The following ARHGAP10 variants were observed in gnomAD, a reference collection of about 807,000 sequenced individuals.
ARHGAP10 encodes the protein Rho GTPase activating protein 10.
In ARHGAP10, 87 loss-of-function variants were observed where a neutral mutation model predicts 108.6. That is an observed-to-expected ratio of 0.80 (90% CI 0.67 to 0.96). The LOEUF (loss-of-function observed/expected upper bound fraction) is 0.96, where lower values mean the gene tolerates loss of function less well. ARHGAP10 is among the 40% of genes least tolerant of loss of function. The probability of loss-of-function intolerance (pLI) is 0.00; values close to 1 mark genes in which losing one functional copy is unlikely to be tolerated. For missense variants in ARHGAP10, 939 were observed against 954.5 expected (o/e 0.98, Z 0.21); for synonymous variants, 347 against 341.1 (o/e 1.02, Z -0.19).
intron 1 of ARHGAP10, among the ~76,000 whole-genome samples, chr4:147,744,953 G>A (rs78299570): frequency 2.4e-4 from 37 of 152,224 alleles, no homozygotes; most frequent in African/African-American, 8.9e-4. Flanking sequence ...GGCAGGGAGA[G>A]GGTCAGGGCA....
At chr4:147,915,953 A>T (rs11930900) in intron 13 of ARHGAP10, among the ~76,000 whole-genome samples, 17,109 of 152,006 alleles carry the variant, frequency 0.11, 2,295 homozygotes, top group African/African-American at 0.31. Context: ...AAATTTTTTT[A>T]AAAAAATTAG....
intron 1 of ARHGAP10, among the ~76,000 whole-genome samples, chr4:147,779,391 G>A (rs1030386358): frequency 1.3e-5 from 2 of 152,150 alleles, no homozygotes; most frequent in African/African-American, 2.4e-5. Context: ...TTTAGGCAGT[G>A]GGAAGCCATT....
chr4:147,768,741 CTTT>C (rs34388709), intron 1 of ARHGAP10, among the ~76,000 whole-genome samples: 11 of 126,476 alleles, frequency 8.7e-5, no homozygotes, highest in Non-Finnish European at 1.1e-4. Context: ...ATTTTCTTGT[CTTT>C]TTTTTTTTTT....
chr4:147,911,994 CGTGTGTGTGTGTGTGTGTGTGT>C (rs36217593), intron 12 of ARHGAP10, among the ~76,000 whole-genome samples: 11 of 135,456 alleles, frequency 8.1e-5, no homozygotes, highest in Non-Finnish European at 1.5e-4. Context: ...AGAACATTCA[CGTGTGTGTGTGTGTGTGTGTGT>C]GTGTGTGTGT....
In ARHGAP10 at chr4:147,966,897, C is replaced by T; in HGVS notation, c.1716+58C>T. 4.5e-6 allele frequency: 6 copies of T among 1,340,558 alleles called. No individual in the cohort carries two copies. In the Admixed American group the frequency reaches 1.2e-4, roughly 27 times the overall value. 83.0% of individuals were successfully genotyped at this position (1,340,558 alleles called of 1,614,324 possible). The stretch of plus-strand genomic sequence containing the variant: ...TTTCGGCTTGTCGCCATGTACTACA[C>T]AACGATCCTCTTAGATTTCCCTTTT... On this transcript the variant is annotated intron_variant, in intron 18 of 22. Coordinates refer to ENST00000336498, the MANE Select transcript of ARHGAP10 (RefSeq NM_024605.4).
chr4:147,848,690 A>G (rs1359601874), intron 4 of ARHGAP10, among the ~76,000 whole-genome samples: 1 of 152,224 alleles, frequency 6.6e-6, no homozygotes, highest in African/African-American at 2.4e-5. Context: ...TGACGGTTAT[A>G]TTATGGAAAT....
At chr4:147,757,167 A>G (rs553071391) in intron 1 of ARHGAP10, among the ~76,000 whole-genome samples, 43 of 151,102 alleles carry the variant, frequency 2.8e-4, no homozygotes, top group African/African-American at 9.7e-4. Flanking sequence ...CTGAAAGTTA[A>G]TGGGAACACA....
chr4:147,766,106 C>A (rs926343460), intron 1 of ARHGAP10, among the ~76,000 whole-genome samples: 2 of 151,804 alleles, frequency 1.3e-5, no homozygotes, highest in Non-Finnish European at 2.9e-5. Context: ...CATGGTGAAA[C>A]CCTGTCTTTA....
chr4:148,070,166 A>G (rs1730102473), intron 22 of ARHGAP10, among the ~76,000 whole-genome samples: 1 of 152,172 alleles, frequency 6.6e-6, no homozygotes, highest in South Asian at 2.1e-4. Flanking sequence ...TCTCTCCTAT[A>G]TATACACGTA....
At chr4:148,046,082 A>T (rs1005842145) in intron 19 of ARHGAP10, among the ~76,000 whole-genome samples, 4 of 152,250 alleles carry the variant, frequency 2.6e-5, no homozygotes, top group African/African-American at 9.6e-5. Flanking sequence ...GGTGCAGATC[A>T]GGTGCATTTT....
chr4:147,959,878 T>C (rs377707350), intron 16 of ARHGAP10, among the ~76,000 whole-genome samples: 2 of 152,226 alleles, frequency 1.3e-5, no homozygotes, highest in African/African-American at 4.8e-5. Flanking sequence ...CCTAAAGTAT[T>C]TAAACTAGGT....
chr4:147,941,831 A>G (rs1198329249), intron 14 of ARHGAP10, among the ~76,000 whole-genome samples: 1 of 152,108 alleles, frequency 6.6e-6, no homozygotes, highest in African/African-American at 2.4e-5. Flanking sequence ...AAATATATTT[A>G]TTTGCTATTT....
intron 1 of ARHGAP10, among the ~76,000 whole-genome samples, chr4:147,733,473 G>T (rs1372693733): frequency 6.6e-6 from 1 of 152,126 alleles, no homozygotes; most frequent in Non-Finnish European, 1.5e-5. Flanking sequence ...GCAGTATCCA[G>T]CCTTGAGGGG....
chr4:147,746,316 A>G (rs1336434618), intron 1 of ARHGAP10, among the ~76,000 whole-genome samples: 2 of 143,738 alleles, frequency 1.4e-5, no homozygotes, highest in African/African-American at 5.2e-5. Flanking sequence ...GTTGGCCAGG[A>G]TGGTCTTGAT....
intron 16 of ARHGAP10, among the ~76,000 whole-genome samples, chr4:147,962,465 G>A (rs1578736695): frequency 6.6e-6 from 1 of 152,150 alleles, no homozygotes; most frequent in Admixed American, 6.5e-5. Context: ...AGATGAGGGA[G>A]CTGAGGCACA....
chr4:147,886,287 A>T (rs1735555397), intron 10 of ARHGAP10, among the ~76,000 whole-genome samples: 1 of 152,180 alleles, frequency 6.6e-6, no homozygotes, highest in South Asian at 2.1e-4. Flanking sequence ...GCTTCAGATG[A>T]TGCTTTCAGC....
At chr4:148,005,439 A>G (rs1044790980) in intron 18 of ARHGAP10, among the ~76,000 whole-genome samples, 1 of 152,154 alleles carries the variant, frequency 6.6e-6, no homozygotes, top group Non-Finnish European at 1.5e-5. Context: ...ACATATATAG[A>G]AATATATATA....
intron 1 of ARHGAP10, among the ~76,000 whole-genome samples, chr4:147,806,767 T>C (rs1045453423): frequency 5.9e-5 from 9 of 152,076 alleles, no homozygotes; most frequent in Admixed American, 1.3e-4. Flanking sequence ...GGGGATGCCA[T>C]CATAGCTCAC....
chr4:147,794,269 T>C (rs540761032), intron 1 of ARHGAP10, among the ~76,000 whole-genome samples: 4 of 152,348 alleles, frequency 2.6e-5, no homozygotes, highest in African/African-American at 9.6e-5. Flanking sequence ...TTGTCAGCAT[T>C]AGGAGGATTA....
Sources: gnomAD v4.1 joint callset for allele counts (sites outside exome capture counted in the v4.1 genomes callset) on GRCh38, gnomAD v4.1.1 for gene constraint, MANE v1.5 for transcripts, NCBI Gene and HGNC (gene_info 2026-07-23, HGNC 2026-07-21) for gene names.